SYN2: variants seen among roughly 807,000 people sequenced by gnomAD.
SYN2 encodes the protein synapsin-2.
In SYN2, 19 loss-of-function variants were observed where a neutral mutation model predicts 50.9. That is an observed-to-expected ratio of 0.37 (90% CI 0.26 to 0.55). The LOEUF (loss-of-function observed/expected upper bound fraction) is 0.55, where lower values mean the gene tolerates loss of function less well. Ranked by LOEUF, SYN2 falls within the 20% of genes least tolerant of loss-of-function variation. The pLI is 0.81. For missense variants in SYN2, 587 were observed against 576.4 expected, an observed-to-expected ratio of 1.02 and a Z score of -0.19; for synonymous variants, 255 against 224.9, an observed-to-expected ratio of 1.13 and a Z score of -1.20.
Position 12,172,443 on chromosome 3 carries a change from T to G in SYN2, c.1308+2537T>G, listed in dbSNP as rs141425468. ...TCACTGAAAGCTATTATACTCACAG[T>G]TACAGTATATTATGGGGAACGGATA... On this transcript the variant is annotated intron_variant, in intron 10 of 12. Coordinates refer to ENST00000621198, the MANE Select transcript of SYN2 (RefSeq NM_133625.6). Among the ~76,000 whole-genome samples the G allele has an allele frequency of 1.9e-3, 285 of 152,324 alleles. 1 individual carries two copies. The highest frequency in any genetic ancestry group is 0.014 in the Middle Eastern group (4 of 294).
At chr3:12,098,471 A>G (rs902712339) in intron 1 of SYN2, among the ~76,000 whole-genome samples, 4 of 152,130 alleles carry the variant, frequency 2.6e-5, no homozygotes, top group Admixed American at 1.3e-4. Context: ...ATTTTTGTAA[A>G]CTATTGTAAT....
intron 1 of SYN2, among the ~76,000 whole-genome samples, chr3:12,010,888 G>C (rs949444197): frequency 4.6e-5 from 7 of 152,164 alleles, no homozygotes; most frequent in African/African-American, 1.7e-4. Context: ...TGAAAAAAGA[G>C]GCTAATCCTG....
chr3:12,119,234 C>A (rs913918701), intron 1 of SYN2, among the ~76,000 whole-genome samples: 3 of 150,994 alleles, frequency 2.0e-5, no homozygotes, highest in African/African-American at 7.3e-5. Context: ...AAAAAAAAAA[C>A]AATAACAACT....
intron 5 of SYN2, chr3:12,153,743 A>G (rs1413056686): frequency 6.2e-7 from 1 of 1,610,114 alleles, no homozygotes; most frequent in African/African-American, 1.3e-5. Flanking sequence ...CATTAAAGTG[A>G]GTAGGGTGTC....
intron 1 of SYN2, among the ~76,000 whole-genome samples, chr3:12,083,040 C>CT (rs1695615171): frequency 6.6e-6 from 1 of 152,172 alleles, no homozygotes; most frequent in Non-Finnish European, 1.5e-5. Context: ...GAGACTGAGT[C>CT]TCACTCTGTT....
Position 12,162,876 on chromosome 3 carries a change from G to C in SYN2, c.980+722G>C, listed in dbSNP as rs562291987. ...AAAGGAAAAGATTTCAAAACTACCT[G>C]ACTTTCCATAATACGCATAAAATGC... On this transcript the variant is annotated intron_variant, in intron 7 of 12. Coordinates refer to ENST00000621198, the MANE Select transcript of SYN2 (RefSeq NM_133625.6). Among the ~76,000 whole-genome samples the C allele has an allele frequency of 3.3e-4, 51 of 152,284 alleles. No individual in the cohort carries two copies. In the South Asian group the frequency reaches 0.011, roughly 32 times the overall value.
intron 1 of SYN2, among the ~76,000 whole-genome samples, chr3:12,093,748 C>G (rs1465951310): frequency 6.6e-6 from 1 of 152,046 alleles, no homozygotes; most frequent in South Asian, 2.1e-4. Context: ...TGCTGATATC[C>G]TTACTCTATA....
intron 1 of SYN2, among the ~76,000 whole-genome samples, chr3:12,021,632 AGTTT>A (rs1694136857): frequency 6.6e-6 from 1 of 152,072 alleles, no homozygotes. Context: ...GTCTTTTGGC[AGTTT>A]GTTTGTTTAC....
chr3:12,033,712 T>G (rs1053942889), intron 1 of SYN2, among the ~76,000 whole-genome samples: 5 of 152,218 alleles, frequency 3.3e-5, no homozygotes, highest in Non-Finnish European at 7.3e-5. Flanking sequence ...ATTTACCTTC[T>G]GTTTCCGTGG....
intron 1 of SYN2, among the ~76,000 whole-genome samples, chr3:12,092,749 T>G (rs1213573792): frequency 6.6e-6 from 1 of 152,222 alleles, no homozygotes; most frequent in Admixed American, 6.5e-5. Flanking sequence ...TCAAAATGTT[T>G]TGTATAGTTG....
chr3:12,114,539 A>G (rs74795148), intron 1 of SYN2, among the ~76,000 whole-genome samples: 11,978 of 138,340 alleles, frequency 0.087, 576 homozygotes, highest in African/African-American at 0.13. Flanking sequence ...ATTTATCTCT[A>G]TGTTTTCTTC....
At chr3:12,090,210 T>C (rs987661889) in intron 1 of SYN2, among the ~76,000 whole-genome samples, 5 of 152,162 alleles carry the variant, frequency 3.3e-5, no homozygotes, top group African/African-American at 1.2e-4. Flanking sequence ...CACCCAGAGC[T>C]GATGAAGAGA....
chr3:12,166,168 C>A (rs1003211493), intron 7 of SYN2, among the ~76,000 whole-genome samples: 1 of 152,124 alleles, frequency 6.6e-6, no homozygotes, highest in Non-Finnish European at 1.5e-5. Flanking sequence ...TATCTAGGTT[C>A]CTCAGTGTCT....
At chr3:12,123,307 GA>G (rs1351121859) in intron 1 of SYN2, among the ~76,000 whole-genome samples, 2 of 152,096 alleles carry the variant, frequency 1.3e-5, no homozygotes. Context: ...GAGCATCAAA[GA>G]CAAAAAGTAG....
At position 12,191,159 on chromosome 3, in the gene SYN2, G is replaced by C. The variant is rs1368731452; in HGVS notation, c.*534G>C. ...TAAAGCACACCCACCCAACTTACAA[G>C]ATCTTAGGCTGCTGTGGTGGTGAAG... On this transcript the variant is annotated 3_prime_UTR_variant, in exon 13 of 13. Transcript: ENST00000621198. The C allele has an allele frequency of 2.0e-6, 2 of 985,422 alleles. No homozygotes were observed. The highest frequency in any genetic ancestry group is 2.3e-4 in the East Asian group (2 of 8,814). The allele number at this position is 985,422 out of a possible 1,614,324, so 61.0% of individuals were successfully genotyped here.
intron 5 of SYN2, chr3:12,153,605 A>G (rs755011594): frequency 6.2e-7 from 1 of 1,614,126 alleles, no homozygotes; most frequent in Non-Finnish European, 8.5e-7. Context: ...TCATACAGAC[A>G]TAATGCTGAG....
At chr3:12,036,297 C>G (rs768524299) in intron 1 of SYN2, among the ~76,000 whole-genome samples, 24 of 152,294 alleles carry the variant, frequency 1.6e-4, no homozygotes, top group African/African-American at 4.1e-4. Flanking sequence ...GGCTCTGGCT[C>G]TGTTCCTGTG....
chr3:12,116,566 T>C (rs1696437472), intron 1 of SYN2, among the ~76,000 whole-genome samples: 1 of 152,096 alleles, frequency 6.6e-6, no homozygotes, highest in Admixed American at 6.6e-5. Flanking sequence ...CCTTTTCTAG[T>C]CATATGAGAT....
In SYN2 at chr3:12,007,871, T is replaced by G. The variant is rs1693830569; in HGVS notation, c.377+2943T>G. 2.7e-5 allele frequency among the ~76,000 whole-genome samples: 4 copies of G among 150,644 alleles called. No homozygotes were observed. The South Asian group carries it at 8.3e-4, about 31-fold the overall frequency. On this transcript the variant is annotated intron_variant, in intron 1 of 12. Transcript: ENST00000621198. ...ATGGGAAAATTGGAAGATGTTTTTC[T>G]TTTGCTGGAAATGTTTTCATTGGTT... is the stretch of plus-strand genomic sequence containing the variant.
Sources: allele counts gnomAD v4.1 joint callset (sites outside exome capture counted in the v4.1 genomes callset), GRCh38; gene constraint gnomAD v4.1.1; transcripts MANE v1.5; gene names NCBI Gene and HGNC (gene_info 2026-07-23, HGNC 2026-07-21).